Variants in OR1J2 observed in about 807,000 individuals in gnomAD.
OR1J2 encodes the protein olfactory receptor 1J2.
For synonymous variants in OR1J2, 142 were observed against 99.7 expected (o/e 1.42, Z -2.52); for missense variants, 304 against 246.1 (o/e 1.24, Z -1.57).
the OR1J2 span, among the ~76,000 whole-genome samples, chr9:122,502,271 G>A: frequency 6.6e-6 from 1 of 152,140 alleles, no homozygotes; most frequent in South Asian, 2.1e-4. Flanking sequence ...TCTTATTACA[G>A]ATTCTTGCAG....
the OR1J2 span, among the ~76,000 whole-genome samples, chr9:122,453,312 A>C: frequency 6.6e-5 from 10 of 152,306 alleles, no homozygotes; most frequent in Non-Finnish European, 1.2e-4. Flanking sequence ...TTCTGGGCCA[A>C]ATGCAAGTTC....
At chr9:122,472,994 A>G in the OR1J2 span, among the ~76,000 whole-genome samples, 1 of 152,246 alleles carries the variant, frequency 6.6e-6, no homozygotes, top group African/African-American at 2.4e-5. Context: ...AGCAGGTGGC[A>G]TCTGTTTCTC....
the OR1J2 span, among the ~76,000 whole-genome samples, chr9:122,505,210 A>G: frequency 6.6e-6 from 1 of 152,194 alleles, no homozygotes; most frequent in Non-Finnish European, 1.5e-5. Flanking sequence ...ATAAAGAAAA[A>G]GAATTTATTT....
At chr9:122,449,621 G>A in the OR1J2 span, among the ~76,000 whole-genome samples, 2 of 152,114 alleles carry the variant, frequency 1.3e-5, no homozygotes, top group South Asian at 2.1e-4. Flanking sequence ...CTTCCGCCTC[G>A]GCCTTCCAAA....
the OR1J2 span, among the ~76,000 whole-genome samples, chr9:122,456,302 C>T: frequency 6.6e-6 from 1 of 152,088 alleles, no homozygotes; most frequent in Admixed American, 6.6e-5. Flanking sequence ...TGGAAGAGAT[C>T]CTATGCTTTT....
At chr9:122,538,583 T>A in the OR1J2 span, among the ~76,000 whole-genome samples, 1 of 152,164 alleles carries the variant, frequency 6.6e-6, no homozygotes, top group African/African-American at 2.4e-5. Context: ...TGAACAGAGA[T>A]AATATGACTT....
the OR1J2 span, among the ~76,000 whole-genome samples, chr9:122,566,585 C>T: frequency 6.6e-6 from 1 of 152,110 alleles, no homozygotes; most frequent in African/African-American, 2.4e-5. Flanking sequence ...TGGAATTAGT[C>T]ATAGCATCTT....
chr9:122,468,417 A>T, the OR1J2 span, among the ~76,000 whole-genome samples: 1 of 152,220 alleles, frequency 6.6e-6, no homozygotes, highest in African/African-American at 2.4e-5. Context: ...TGTGCTTTAC[A>T]TAAATTTACC....
At chr9:122,541,293 A>C in the OR1J2 span, among the ~76,000 whole-genome samples, 13 of 152,336 alleles carry the variant, frequency 8.5e-5, no homozygotes, top group Admixed American at 5.9e-4. Flanking sequence ...TAGAGGAAAC[A>C]ATCTGATCAA....
chr9:122,546,641 C>T, the OR1J2 span, among the ~76,000 whole-genome samples: 2 of 152,088 alleles, frequency 1.3e-5, no homozygotes, highest in South Asian at 4.2e-4. Flanking sequence ...TTCACTTTAC[C>T]ACAATATAAA....
At chr9:122,562,613 A>T in the OR1J2 span, among the ~76,000 whole-genome samples, 1 of 151,826 alleles carries the variant, frequency 6.6e-6, no homozygotes, top group Non-Finnish European at 1.5e-5. Context: ...ACCACACTGC[A>T]CTTCCTTCCT....
chr9:122,568,110 C>T, the OR1J2 span: 104 of 1,613,706 alleles, frequency 6.4e-5, 2 homozygotes, highest in South Asian at 4.7e-4. Flanking sequence ...GGCCACATAG[C>T]GGTCAAAGGC....
the OR1J2 span, among the ~76,000 whole-genome samples, chr9:122,490,038 A>G: frequency 2.0e-5 from 3 of 152,222 alleles, no homozygotes; most frequent in African/African-American, 4.8e-5. Context: ...TTGCAACACA[A>G]CAGTGCACGG....
the OR1J2 span, among the ~76,000 whole-genome samples, chr9:122,577,355 T>C: frequency 1.3e-5 from 2 of 152,198 alleles, no homozygotes; most frequent in African/African-American, 4.8e-5. Context: ...ACAATAACTT[T>C]ACTTAGCCAA....
the OR1J2 span, among the ~76,000 whole-genome samples, chr9:122,455,106 T>G: frequency 2.3e-3 from 355 of 152,372 alleles, 2 homozygotes; most frequent in African/African-American, 6.9e-3. Context: ...ACATTTTGTT[T>G]ATACATGCAT....
At chr9:122,554,170 T>A in the OR1J2 span, 7 of 1,599,766 alleles carry the variant, frequency 4.4e-6, no homozygotes, top group Non-Finnish European at 6.0e-6. Context: ...TGATTAGACA[T>A]CTAGACGGTG....
At chr9:122,563,184 A>AT in the OR1J2 span, among the ~76,000 whole-genome samples, 10,905 of 149,318 alleles carry the variant, frequency 0.073, 533 homozygotes, top group African/African-American at 0.12. Context: ...AGCATTTGTT[A>AT]TTTTTTTTTT....
chr9:122,527,207 G>A, the OR1J2 span: 1 of 1,614,038 alleles, frequency 6.2e-7, no homozygotes, highest in South Asian at 1.1e-5. Flanking sequence ...ACATACACAG[G>A]AAAATTCCGA....
chr9:122,552,230 T>A, the OR1J2 span, among the ~76,000 whole-genome samples: 1 of 152,102 alleles, frequency 6.6e-6, no homozygotes, highest in Non-Finnish European at 1.5e-5. Context: ...TTACAAAAGC[T>A]TCTAAGGCCA....
Sources: gnomAD v4.1 joint callset for allele counts (sites outside exome capture counted in the v4.1 genomes callset) on GRCh38, gnomAD v4.1.1 for gene constraint, MANE v1.5 for transcripts, NCBI Gene and HGNC (gene_info 2026-07-23, HGNC 2026-07-21) for gene names.